PCLO: variants seen among roughly 807,000 people sequenced by gnomAD.
PCLO encodes protein piccolo.
Under a neutral mutation model 427.5 loss-of-function variants are expected in PCLO, and 82 were observed. The ratio of observed to expected loss-of-function variants is 0.19; its 90% confidence interval spans 0.16 to 0.23. The LOEUF is 0.23. Among genes scored for constraint, PCLO ranks in the 10% least tolerant of loss-of-function variants. The probability of loss-of-function intolerance (pLI) is 1.00; values close to 1 mark genes in which losing one functional copy is unlikely to be tolerated. For synonymous variants in PCLO, 2,357 were observed against 2,155.4 expected (o/e 1.09, Z -2.59); for missense variants, 6,239 against 6,115.9 (o/e 1.02, Z -0.67).
intron 6 of PCLO, among the ~76,000 whole-genome samples, chr7:82,921,333 T>TATCC (rs1794591248): frequency 6.6e-6 from 1 of 151,674 alleles, no homozygotes; most frequent in African/African-American, 2.4e-5. Context: ...GGCATTATAC[T>TATCC]ATCCAACTTT....
At chr7:83,154,089 T>C (rs990986139) in intron 2 of PCLO, among the ~76,000 whole-genome samples, 1 of 152,176 alleles carries the variant, frequency 6.6e-6, no homozygotes, top group Non-Finnish European at 1.5e-5. Context: ...TCAGAAAGTA[T>C]TACCCAGCTA....
At chr7:82,840,210 AAGT>A (rs2115772370) in intron 14 of PCLO, among the ~76,000 whole-genome samples, 1 of 152,164 alleles carries the variant, frequency 6.6e-6, no homozygotes, top group African/African-American at 2.4e-5. Flanking sequence ...GGCTTTCTGG[AAGT>A]TGGAAATAGC....
intron 3 of PCLO, among the ~76,000 whole-genome samples, chr7:83,038,071 A>ATATATATT: frequency 2.2e-5 from 1 of 45,936 alleles, no homozygotes; most frequent in African/African-American, 9.5e-5. Context: ...ATATTTATAT[A>ATATATATT]TTTATATATA....
chr7:83,074,049 G>T (rs1789887098), intron 3 of PCLO, among the ~76,000 whole-genome samples: 5 of 151,916 alleles, frequency 3.3e-5, no homozygotes. Flanking sequence ...TTGTGGAAAA[G>T]AACCTTATCT....
At position 83,156,063 on chromosome 7, in the gene PCLO, T is replaced by C. The variant is rs1451900439; in HGVS notation, c.578A>G (p.Gln193Arg). 6.2e-7 allele frequency: 1 copy of C among 1,613,804 alleles called. No homozygotes were observed. Among genetic ancestry groups the C allele is most frequent in the Non-Finnish European group, 8.5e-7 (1 of 1,179,858 alleles). Residue 193 changes from glutamine to arginine, a missense_variant, in exon 2 of 25, where the codon CAA becomes CGA. Physicochemically the swap from Gln to Arg is conservative, Grantham distance 43. Transcript: ENST00000333891. ...TCCTTGCTCCTTCTGAACCACTTTT[T>C]GTTTCTTGGTGGTTTCTTCCTGGGA... ...EASQEETTKK[Q>R]KVVQKEQGKP... is the part of the protein sequence containing the mutation.
intron 3 of PCLO, among the ~76,000 whole-genome samples, chr7:83,125,512 A>G (rs182388024): frequency 3.1e-4 from 47 of 152,340 alleles, no homozygotes; most frequent in African/African-American, 9.9e-4. Context: ...AGAAGTAGAC[A>G]TAGGAGACTC....
chr7:83,040,895 C>T (rs1395255382), intron 3 of PCLO, among the ~76,000 whole-genome samples: 5 of 152,050 alleles, frequency 3.3e-5, no homozygotes, highest in African/African-American at 1.2e-4. Context: ...CAAAACATCA[C>T]ATTGCACTCC....
At chr7:83,101,179 A>G (rs957305029) in intron 3 of PCLO, among the ~76,000 whole-genome samples, 4 of 151,854 alleles carry the variant, frequency 2.6e-5, no homozygotes, top group Admixed American at 2.6e-4. Context: ...TATACCACAA[A>G]AAAGGAACAT....
chr7:82,928,829 G>A lies in PCLO; in HGVS notation c.11113-11956C>T, dbSNP rs1005188904. Among the ~76,000 whole-genome samples the A allele has an allele frequency of 2.6e-5, 4 of 152,154 alleles. No homozygotes were observed. The East Asian group carries it at 5.8e-4, about 22-fold the overall frequency. ...ATACAGTGGTATGGATACACATACT[G>A]TACAGTGGTATACAGAAAAGGCAGA... On this transcript the variant is annotated intron_variant, in intron 6 of 24. Coordinates refer to ENST00000333891, the MANE Select transcript of PCLO (RefSeq NM_033026.6).
At chr7:82,802,956 A>G (rs1053482383) in intron 21 of PCLO, among the ~76,000 whole-genome samples, 6 of 152,118 alleles carry the variant, frequency 3.9e-5, no homozygotes, top group Non-Finnish European at 7.4e-5. Flanking sequence ...TTTAAGTACA[A>G]ATTTTTATTA....
At chr7:82,923,230 T>A (rs1794638225) in intron 6 of PCLO, among the ~76,000 whole-genome samples, 1 of 151,964 alleles carries the variant, frequency 6.6e-6, no homozygotes, top group African/African-American at 2.4e-5. Flanking sequence ...GGAGAATGCA[T>A]TCTAAGTGCA....
Position 82,950,004 on chromosome 7 carries a change from A to G in PCLO, c.10584T>C (p.Thr3528=), listed in dbSNP as rs374561916. ...VQTVAEISVQ[T]EPVGTIRTPS... ...GTGTTCTTATGGTTCCAACTGGTTC[A>G]GTTTGCACAGATATCTCTGCTACCG... Residue 3528 remains threonine (T), a synonymous_variant, in exon 6 of 25, where the codon ACT becomes ACC. Transcript: ENST00000333891. 27 of 1,613,322 alleles carry G rather than the reference A, an allele frequency of 1.7e-5. 1 individual carries two copies. The African/African-American group carries it at 2.7e-4, about 16-fold the overall frequency.
chr7:82,762,180 A>G (rs1790445475), intron 22 of PCLO, among the ~76,000 whole-genome samples: 1 of 152,074 alleles, frequency 6.6e-6, no homozygotes, highest in Non-Finnish European at 1.5e-5. Flanking sequence ...AATTATAAAA[A>G]GAGGAAAGGT....
intron 22 of PCLO, among the ~76,000 whole-genome samples, chr7:82,762,057 C>G (rs935318234): frequency 6.6e-6 from 1 of 152,084 alleles, no homozygotes. Flanking sequence ...AAGCACTCCA[C>G]TAGGAAGAGT....
chr7:82,812,083 C>T (rs1040347263), intron 20 of PCLO, among the ~76,000 whole-genome samples: 1 of 151,214 alleles, frequency 6.6e-6, no homozygotes, highest in Non-Finnish European at 1.5e-5. Flanking sequence ...AAGATGAAGA[C>T]GGGTTGCCTC....
chr7:83,049,260 G>T (rs1196430934), intron 3 of PCLO, among the ~76,000 whole-genome samples: 1 of 152,132 alleles, frequency 6.6e-6, no homozygotes, highest in African/African-American at 2.4e-5. Context: ...CCACTGACCA[G>T]CAAGGCATGA....
In PCLO at chr7:82,965,894, T is replaced by G. The variant is rs372679237; in HGVS notation, c.3894A>C (p.Leu1298Phe). ...GKQPQTKMEGLPSGTPQSLPK... is the reference protein window; with the variant it reads ...GKQPQTKMEGFPSGTPQSLPK... ...GTAAACTCTGAGGTGTGCCAGATGG[T>G]AAACCTTCCATCTTGGTCTGTGGTT... The change falls in exon 4 of 25, where the codon TTA (leucine) becomes TTC (phenylalanine). Residue 1298 changes from leucine to phenylalanine, a missense_variant. Leu to Phe is a conservative substitution (Grantham distance 22). Coordinates refer to ENST00000333891, the MANE Select transcript of PCLO (RefSeq NM_033026.6). The G allele has an allele frequency of 6.2e-7, 1 of 1,613,676 alleles. No individual in the cohort carries two copies. The highest frequency in any genetic ancestry group is 8.5e-7 in the Non-Finnish European group (1 of 1,179,576).
rs182600629 is a variant in PCLO, at chr7:82,930,258, T to C, written c.11113-13385A>G. Among the ~76,000 whole-genome samples the C allele has an allele frequency of 4.8e-3, 729 of 152,256 alleles. 2 individuals carry two copies. Among genetic ancestry groups the C allele is most frequent in the Non-Finnish European group, 7.5e-3 (510 of 68,014 alleles). ...ACAAGTACACGTATGTCCCAGGACC[T>C]ACAATGTCTACTGCACAGTGTAGAA... is the stretch of plus-strand genomic sequence containing the variant. On this transcript the variant is annotated intron_variant, in intron 6 of 24. Coordinates refer to ENST00000333891, the MANE Select transcript of PCLO (RefSeq NM_033026.6).
intron 16 of PCLO, among the ~76,000 whole-genome samples, chr7:82,828,983 T>C (rs1309669543): frequency 6.6e-6 from 1 of 152,156 alleles, no homozygotes; most frequent in Non-Finnish European, 1.5e-5. Flanking sequence ...GGACCCTGAC[T>C]CTTGTAATCT....
Sources: allele counts gnomAD v4.1 joint callset (sites outside exome capture counted in the v4.1 genomes callset), GRCh38; gene constraint gnomAD v4.1.1; transcripts MANE v1.5; gene names NCBI Gene and HGNC (gene_info 2026-07-23, HGNC 2026-07-21).